SCUBE1: variants seen among roughly 807,000 people sequenced by gnomAD.
SCUBE1 encodes signal peptide, CUB domain and EGF like domain containing 1, also known as signal peptide, CUB and EGF-like domain-containing protein 1.
A neutral mutation model predicts 124.4 loss-of-function variants in SCUBE1; 59 were observed. That is an observed-to-expected ratio of 0.47 (90% CI 0.38 to 0.59). SCUBE1 has a LOEUF of 0.59. Among genes scored for constraint, SCUBE1 ranks in the 20% least tolerant of loss-of-function variants. SCUBE1 has a pLI of 0.00. For missense variants in SCUBE1, 1,150 were observed against 1,371.2 expected (o/e 0.84, Z 2.55); for synonymous variants, 545 against 550.9 (o/e 0.99, Z 0.15).
At chr22:43,208,614 A>G (rs1196436128) in intron 19 of SCUBE1, among the ~76,000 whole-genome samples, 1 of 151,624 alleles carries the variant, frequency 6.6e-6, no homozygotes, top group Admixed American at 6.6e-5. Context: ...CCAGGGTGGG[A>G]GTGGAAGCTG....
Position 43,208,376 on chromosome 22 carries a change from G to A in SCUBE1, c.2582-152C>T, listed in dbSNP as rs914398345. On this transcript the variant is annotated intron_variant, in intron 19 of 21. Transcript: ENST00000360835. ...CTTAGTCTTTGTGCTTGCTCCCTCTGCCTCTGAGGCCCTTCCCTACCCTCA... is the reference window on the plus strand; with the variant it reads ...CTTAGTCTTTGTGCTTGCTCCCTCTACCTCTGAGGCCCTTCCCTACCCTCA... 4.4e-6 allele frequency: 3 copies of A among 687,578 alleles called. No individual in the cohort carries two copies. In the African/African-American group the frequency reaches 5.4e-5, roughly 12 times the overall value. 42.6% of individuals were successfully genotyped at this position (687,578 alleles called of 1,614,324 possible). A position where few individuals can be genotyped will look rare whatever the true frequency, so the allele number is the denominator to read the frequency against.
Position 43,212,413 on chromosome 22 carries a change from G to A in SCUBE1, c.2221+12C>T. 1.3e-6 allele frequency: 2 copies of A among 1,549,184 alleles called. No homozygotes were observed. Among genetic ancestry groups the A allele is most frequent in the Non-Finnish European group, 1.7e-6 (2 of 1,146,504 alleles). The stretch of plus-strand genomic sequence containing the variant: ...TCGGGGTGGGCGGGCGTGGTGGGGA[G>A]GGCATGCTCACCTTTAGCCTCGCAG... On this transcript the variant is annotated intron_variant, in intron 17 of 21. Transcript: ENST00000360835.
intron 7 of SCUBE1, among the ~76,000 whole-genome samples, chr22:43,232,757 T>C (rs1431220205): frequency 6.6e-6 from 1 of 152,252 alleles, no homozygotes; most frequent in Non-Finnish European, 1.5e-5. Flanking sequence ...CATGGCCTGC[T>C]GGCCGATGCC....
intron 4 of SCUBE1, among the ~76,000 whole-genome samples, chr22:43,278,882 TG>T (rs1924644286): frequency 6.6e-6 from 1 of 152,080 alleles, no homozygotes; most frequent in Non-Finnish European, 1.5e-5. Context: ...AGGGTGGAGC[TG>T]GGCCTGTCGA....
At chr22:43,297,518 C>A (rs1222154092) in intron 3 of SCUBE1, among the ~76,000 whole-genome samples, 1 of 152,244 alleles carries the variant, frequency 6.6e-6, no homozygotes. Context: ...CCACCTGCTG[C>A]CAGCCACTGA....
intron 2 of SCUBE1, among the ~76,000 whole-genome samples, chr22:43,338,194 G>A (rs992174565): frequency 1.3e-5 from 2 of 152,216 alleles, no homozygotes; most frequent in Admixed American, 1.3e-4. Context: ...AGGTTCCAAT[G>A]GGCTTGCAGA....
In SCUBE1 at chr22:43,258,580, C is replaced by T. The variant is rs961041512; in HGVS notation, c.611-245G>A. The stretch of plus-strand genomic sequence containing the variant: ...TGGGACAGAATGGACTTGGGGTCGT[C>T]TGGGCTTTGATCAGAGCAGGCACAG... On this transcript the variant is annotated intron_variant, in intron 5 of 21. Coordinates refer to ENST00000360835, the MANE Select transcript of SCUBE1 (RefSeq NM_173050.5). This position sits in a 1 kb window ranked among gnomAD's most constrained non-coding sequence, Gnocchi z 5.0. Among the ~76,000 whole-genome samples the T allele has an allele frequency of 6.6e-6, 1 of 152,176 alleles. No homozygotes were observed. The highest frequency in any genetic ancestry group is 2.4e-5 in the African/African-American group (1 of 41,430).
At position 43,210,609 on chromosome 22, in the gene SCUBE1, GC is replaced by G. The variant is rs1297843277; in HGVS notation, c.2383+312del. Among the ~76,000 whole-genome samples the G allele has an allele frequency of 1.3e-5, 2 of 152,188 alleles. No individual in the cohort carries two copies. Among genetic ancestry groups the G allele is most frequent in the Non-Finnish European group, 2.9e-5 (2 of 68,022 alleles). The stretch of plus-strand genomic sequence containing the variant: ...CTGTCAGTGCCCCTGTAGGCTGTCA[GC>G]CCCCCCAGCAGACCCAGAAACTAGA... On this transcript the variant is annotated intron_variant, in intron 18 of 21. Transcript: ENST00000360835. This position sits in a 1 kb window ranked among gnomAD's most constrained non-coding sequence, Gnocchi z 4.5.
At chr22:43,236,152 G>A (rs1922753517) in intron 7 of SCUBE1, among the ~76,000 whole-genome samples, 1 of 152,208 alleles carries the variant, frequency 6.6e-6, no homozygotes, top group Non-Finnish European at 1.5e-5. Flanking sequence ...AGATCAGGGT[G>A]TGCACCTGAC....
chr22:43,300,330 G>A (rs1306545068), intron 3 of SCUBE1, among the ~76,000 whole-genome samples: 1 of 149,640 alleles, frequency 6.7e-6, no homozygotes, highest in Admixed American at 6.7e-5. Flanking sequence ...CCTAGTGGGT[G>A]TGGCGTGGTT....
intron 2 of SCUBE1, among the ~76,000 whole-genome samples, chr22:43,328,040 C>T (rs972963498): frequency 2.0e-5 from 3 of 152,188 alleles, no homozygotes; most frequent in African/African-American, 4.8e-5. Context: ...AGGAGGTTGG[C>T]TCTGAACTGA....
rs181590555 is a variant in SCUBE1 at position 43,225,024 on chromosome 22, A to T, written c.1208-1808T>A. Among the ~76,000 whole-genome samples the T allele has an allele frequency of 1.0e-3, 157 of 152,326 alleles. No homozygotes were observed. The Middle Eastern group carries it at 0.041, about 40-fold the overall frequency. ...TCTGACACATCAAAACTAATACATT[A>T]ATATATTTAAGAGGAGCTCTAAAAT... is the stretch of plus-strand genomic sequence containing the variant. On this transcript the variant is annotated intron_variant, in intron 10 of 21. Coordinates refer to ENST00000360835, the MANE Select transcript of SCUBE1 (RefSeq NM_173050.5).
At chr22:43,319,701 C>T (rs77396643) in intron 3 of SCUBE1, among the ~76,000 whole-genome samples, 2,493 of 152,166 alleles carry the variant, frequency 0.016, 25 homozygotes, top group Non-Finnish European at 0.028. Flanking sequence ...GCGGGCCCTC[C>T]GAAAAACCAA....
intron 4 of SCUBE1, 106 bp from the exon 5 acceptor site, chr22:43,262,951 G>T: frequency 1.6e-6 from 2 of 1,247,812 alleles, no homozygotes; most frequent in Non-Finnish European, 2.3e-6. Context: ...AATCAAATGG[G>T]CTGTCATTGC....
rs544347960 is a variant in SCUBE1, at chr22:43,201,889, C to T, written c.*2108G>A. 1.3e-5 allele frequency: 2 copies of T among 152,302 alleles called. No individual in the cohort carries two copies. The highest frequency in any genetic ancestry group is 2.4e-5 in the African/African-American group (1 of 41,558). 9.4% of individuals were successfully genotyped at this position (152,302 alleles called of 1,614,324 possible). On this transcript the variant is annotated 3_prime_UTR_variant, in exon 22 of 22. Coordinates refer to ENST00000360835, the MANE Select transcript of SCUBE1 (RefSeq NM_173050.5). The stretch of plus-strand genomic sequence containing the variant: ...CTGCAGGCTCACTCGGCAGGATGCT[C>T]GCCTCTCATCTTGGGGATGACTGAC...
intron 19 of SCUBE1, among the ~76,000 whole-genome samples, chr22:43,209,740 G>A (rs1921458332): frequency 6.6e-6 from 1 of 152,234 alleles, no homozygotes; most frequent in African/African-American, 2.4e-5. Context: ...GGCTGGTCCC[G>A]CCACTGGGAT....
At chr22:43,246,082 CAGGAG>C (rs1290712183) in intron 6 of SCUBE1, among the ~76,000 whole-genome samples, 1 of 152,196 alleles carries the variant, frequency 6.6e-6, no homozygotes, top group Non-Finnish European at 1.5e-5. Context: ...AAGCCGACCT[CAGGAG>C]AGGTCTCCTC....
intron 4 of SCUBE1, among the ~76,000 whole-genome samples, chr22:43,277,443 C>G (rs2146730050): frequency 6.6e-6 from 1 of 152,256 alleles, no homozygotes; most frequent in South Asian, 2.1e-4. Context: ...CAGCGCAGCC[C>G]TAGGCAGAGG....
intron 4 of SCUBE1, among the ~76,000 whole-genome samples, chr22:43,268,931 A>G (rs4822269): frequency 0.14 from 21,487 of 152,188 alleles, 2,126 homozygotes; most frequent in East Asian, 0.37. Flanking sequence ...GAAAGGGACA[A>G]AGCCTGGTAG....
Sources: allele counts gnomAD v4.1 joint callset (sites outside exome capture counted in the v4.1 genomes callset), GRCh38; gene constraint gnomAD v4.1.1; non-coding constraint Gnocchi (gnomAD v3.1); transcripts MANE v1.5; gene names NCBI Gene and HGNC (gene_info 2026-07-23, HGNC 2026-07-21).